ZFP1: variants seen among roughly 807,000 people sequenced by gnomAD.
ZFP1 encodes zinc finger protein 1 homolog.
ZFP1 carries 32 observed loss-of-function variants against 38.5 expected under a neutral mutation model. The ratio of observed to expected loss-of-function variants is 0.83; its 90% CI spans 0.63 to 1.12. The LOEUF (loss-of-function observed/expected upper bound fraction) is 1.12. ZFP1 is among the 50% of genes most tolerant of loss of function. The probability of loss-of-function intolerance (pLI) is 0.00; values close to 1 mark genes in which losing one functional copy is unlikely to be tolerated. For missense variants in ZFP1, 616 were observed against 480.8 expected (o/e 1.28, Z -2.63); for synonymous variants, 245 against 168.8 (o/e 1.45, Z -3.50).
At chr16:75,131,780 A>G in the ZFP1 span, among the ~76,000 whole-genome samples, 8 of 152,102 alleles carry the variant, frequency 5.3e-5, no homozygotes, top group African/African-American at 1.7e-4. Flanking sequence ...CCTGGCCAAC[A>G]TGATACAACC....
chr16:75,146,194 G>A (rs1395179649), upstream of ZFP1, among the ~76,000 whole-genome samples: 2 of 148,390 alleles, frequency 1.3e-5, no homozygotes, highest in Non-Finnish European at 1.5e-5. Context: ...ACGGGGTCTC[G>A]CTCTGTCGCC....
intron 2 of ZFP1, among the ~76,000 whole-genome samples, chr16:75,164,646 C>A (rs752063644): frequency 1.3e-5 from 2 of 152,094 alleles, no homozygotes; most frequent in Non-Finnish European, 2.9e-5. Context: ...GTGTCAAACT[C>A]TGGCTCGTTG....
At chr16:75,123,447 G>GTATA in the ZFP1 span, among the ~76,000 whole-genome samples, 1 of 16,442 alleles carries the variant, frequency 6.1e-5, no homozygotes, top group South Asian at 1.6e-3. Context: ...GTGTGTGTGT[G>GTATA]TGTATATGTA....
intron 2 of ZFP1, among the ~76,000 whole-genome samples, chr16:75,154,521 A>C (rs10871302): frequency 0.78 from 118,387 of 150,914 alleles, 47,608 homozygotes; most frequent in Non-Finnish European, 0.87. Context: ...AACTCCCTTC[A>C]ATGTGGCTGT....
At chr16:75,164,621 C>T (rs1056604878) in intron 2 of ZFP1, among the ~76,000 whole-genome samples, 16 of 152,074 alleles carry the variant, frequency 1.1e-4, no homozygotes, top group African/African-American at 3.6e-4. Flanking sequence ...TACTAGTCAT[C>T]ATTCTAGATC....
the ZFP1 span, among the ~76,000 whole-genome samples, chr16:75,124,892 A>G: frequency 7.0e-6 from 1 of 142,858 alleles, no homozygotes; most frequent in African/African-American, 2.7e-5. Context: ...AAGAAAGCTT[A>G]AAGAGAAATA....
At chr16:75,151,835 T>G (rs181243161) in intron 1 of ZFP1, among the ~76,000 whole-genome samples, 1 of 152,344 alleles carries the variant, frequency 6.6e-6, no homozygotes, top group Admixed American at 6.5e-5. Flanking sequence ...TTCTTCTATT[T>G]AAATAACTTC....
intron 2 of ZFP1, 92 bp from the exon 3 acceptor site, chr16:75,166,678 A>T (rs1361585933): frequency 6.3e-7 from 1 of 1,599,702 alleles, no homozygotes; most frequent in Non-Finnish European, 8.5e-7. Context: ...TGTAATATAT[A>T]GATTTTCATG....
intron 2 of ZFP1, among the ~76,000 whole-genome samples, chr16:75,166,058 A>G (rs1000322517): frequency 1.3e-5 from 2 of 152,182 alleles, no homozygotes; most frequent in Non-Finnish European, 2.9e-5. Context: ...AAGGACAGAG[A>G]TCCTTACTTG....
intron 1 of ZFP1, chr16:75,149,412 G>C (rs1298261100): frequency 2.0e-5 from 3 of 152,182 alleles, no homozygotes; most frequent in Non-Finnish European, 4.4e-5. Flanking sequence ...TCACTACTTT[G>C]AAATACGAAA....
At chr16:75,164,830 G>A (rs1427675981) in intron 2 of ZFP1, among the ~76,000 whole-genome samples, 4 of 150,186 alleles carry the variant, frequency 2.7e-5, no homozygotes, top group Admixed American at 6.6e-5. Context: ...TTTTTGAGGC[G>A]GAGTTTCACT....
chr16:75,120,518 G>GT, the ZFP1 span, among the ~76,000 whole-genome samples: 15 of 139,906 alleles, frequency 1.1e-4, no homozygotes, highest in African/African-American at 3.0e-4. Flanking sequence ...TTTTTTTTGG[G>GT]TTTTTTTTTG....
chr16:75,121,025 C>G, the ZFP1 span, among the ~76,000 whole-genome samples: 1 of 152,154 alleles, frequency 6.6e-6, no homozygotes, highest in Admixed American at 6.6e-5. Context: ...ATCACGTGTT[C>G]TAACCTCATA....
At chr16:75,137,771 A>G in the ZFP1 span, among the ~76,000 whole-genome samples, 1 of 151,778 alleles carries the variant, frequency 6.6e-6, no homozygotes, top group Non-Finnish European at 1.5e-5. Flanking sequence ...CGGCCCCAAA[A>G]TATTCCTTTA....
intron 2 of ZFP1, among the ~76,000 whole-genome samples, chr16:75,161,990 G>T (rs1487754408): frequency 6.7e-6 from 1 of 150,192 alleles, no homozygotes. Context: ...TCCCCATGTT[G>T]GCCAGGCTGG....
At chr16:75,157,078 TCTCCTTCCCA>T (rs1009768023) in intron 2 of ZFP1, 9 of 152,190 alleles carry the variant, frequency 5.9e-5, no homozygotes, top group African/African-American at 9.7e-5. Context: ...CCCACCGCTG[TCTCCTTCCCA>T]CTCCTAGGGA....
rs1332763043 is a variant in ZFP1, at chr16:75,172,041, A to C, written c.*1707A>C. 3 of 152,214 alleles carry C rather than the reference A, an allele frequency of 2.0e-5. No homozygotes were observed. The highest frequency in any genetic ancestry group is 2.9e-5 in the Non-Finnish European group (2 of 68,036). 9.4% of individuals were successfully genotyped at this position (152,214 alleles called of 1,614,324 possible). A position where few individuals can be genotyped will look rare whatever the true frequency, so the allele number is the denominator to read the frequency against. ...GGTAAGGACCAAAAAAACAAACAAA[A>C]AAAAGACCATCAGTAAGGGAATGGA... On this transcript the variant is annotated 3_prime_UTR_variant, in exon 4 of 4. Transcript: ENST00000570010.
the ZFP1 span, among the ~76,000 whole-genome samples, chr16:75,139,585 A>G: frequency 6.6e-6 from 1 of 152,004 alleles, no homozygotes; most frequent in Non-Finnish European, 1.5e-5. Context: ...CGAGCTACTC[A>G]GGAGACTGAG....
chr16:75,151,978 T>A (rs530808695), intron 1 of ZFP1, among the ~76,000 whole-genome samples: 1 of 152,198 alleles, frequency 6.6e-6, no homozygotes, highest in South Asian at 2.1e-4. Context: ...AGTTAATAGT[T>A]TTTTGCTTTA....
Sources: gnomAD v4.1 joint callset for allele counts (sites outside exome capture counted in the v4.1 genomes callset) on GRCh38, gnomAD v4.1.1 for gene constraint, MANE v1.5 for transcripts, NCBI Gene and HGNC (gene_info 2026-07-23, HGNC 2026-07-21) for gene names.